The following ZNF365 variants were observed in gnomAD, a reference collection of about 807,000 sequenced individuals.
The protein encoded by ZNF365 is zinc finger protein 365.
ZNF365 carries 22 observed loss-of-function variants against 35.0 expected under a neutral mutation model. The observed-to-expected ratio is 0.63, with a 90% CI of 0.45 to 0.90. ZNF365 has a LOEUF of 0.90. ZNF365 is among the 40% of genes least tolerant of loss of function. The pLI, the probability that ZNF365 is intolerant of heterozygous loss-of-function variation, is 0.00. For missense variants in ZNF365, 448 were observed against 500.3 expected (o/e 0.90, Z 1.00); for synonymous variants, 188 against 196.2 (o/e 0.96, Z 0.35).
chr10:62,394,662 C>A (rs547567749), intron 3 of ZNF365, among the ~76,000 whole-genome samples: 20 of 152,116 alleles, frequency 1.3e-4, no homozygotes, highest in Non-Finnish European at 2.6e-4. Context: ...AACATAAATG[C>A]TCAAGGGAAT....
At chr10:62,466,836 C>T (rs1192973026) in intron 4 of ZNF365, among the ~76,000 whole-genome samples, 1 of 152,066 alleles carries the variant, frequency 6.6e-6, no homozygotes, top group Admixed American at 6.6e-5. Flanking sequence ...GGGTCTCACT[C>T]TGTTGCCCAG....
intron 3 of ZNF365, among the ~76,000 whole-genome samples, chr10:62,394,087 C>T (rs76323075): frequency 0.092 from 14,068 of 152,108 alleles, 709 homozygotes; most frequent in Middle Eastern, 0.14. Context: ...ATACTTTATC[C>T]GAAATGCTTG....
chr10:62,440,172 T>G (rs1041178657), intron 3 of ZNF365, among the ~76,000 whole-genome samples: 1 of 150,628 alleles, frequency 6.6e-6, no homozygotes, highest in African/African-American at 2.4e-5. Flanking sequence ...GAATGCATAG[T>G]TTTATTTATT....
At chr10:62,450,847 A>G (rs1840671627) in intron 3 of ZNF365, among the ~76,000 whole-genome samples, 1 of 152,224 alleles carries the variant, frequency 6.6e-6, no homozygotes, top group African/African-American at 2.4e-5. Context: ...GGTAAATGAA[A>G]TTAATATCTG....
At chr10:62,406,785 C>T (rs1839910977), downstream of ZNF365, among the ~76,000 whole-genome samples, 1 of 152,190 alleles carries the variant, frequency 6.6e-6, no homozygotes, top group Admixed American at 6.5e-5. Flanking sequence ...ATATCCATTT[C>T]TTGGCCAGTC....
chr10:62,396,197 A>G (rs1839724431), intron 3 of ZNF365, among the ~76,000 whole-genome samples: 1 of 152,192 alleles, frequency 6.6e-6, no homozygotes, highest in South Asian at 2.1e-4. Context: ...CCAGCCATTG[A>G]TTCCACTTAA....
intron 3 of ZNF365, among the ~76,000 whole-genome samples, chr10:62,455,701 G>T (rs1032280457): frequency 1.6e-4 from 24 of 152,080 alleles, no homozygotes; most frequent in African/African-American, 5.3e-4. Flanking sequence ...AATATTGAAT[G>T]TTTACCACAT....
chr10:62,441,922 C>T (rs1387728830), intron 3 of ZNF365, among the ~76,000 whole-genome samples: 1 of 152,148 alleles, frequency 6.6e-6, no homozygotes, highest in Non-Finnish European at 1.5e-5. Context: ...TAAGATTTGG[C>T]TTGTCTCGTT....
At chr10:62,391,833 C>T (rs1344764950) in intron 3 of ZNF365, among the ~76,000 whole-genome samples, 1 of 152,212 alleles carries the variant, frequency 6.6e-6, no homozygotes, top group Non-Finnish European at 1.5e-5. Context: ...ACACTGTTTT[C>T]CATAGTGGTT....
intron 4 of ZNF365, among the ~76,000 whole-genome samples, chr10:62,464,024 T>C (rs926595480): frequency 6.6e-6 from 1 of 152,090 alleles, no homozygotes; most frequent in Non-Finnish European, 1.5e-5. Flanking sequence ...AAAACAAAAG[T>C]CTTTCAACTC....
At chr10:62,460,656 C>G (rs1840832842) in intron 4 of ZNF365, among the ~76,000 whole-genome samples, 1 of 152,068 alleles carries the variant, frequency 6.6e-6, no homozygotes, top group Non-Finnish European at 1.5e-5. Flanking sequence ...GCTCTAAGCC[C>G]TAAGAGAGAT....
At chr10:62,406,995 TC>T (rs1355417554), downstream of ZNF365, among the ~76,000 whole-genome samples, 1 of 152,138 alleles carries the variant, frequency 6.6e-6, no homozygotes, top group East Asian at 1.9e-4. Context: ...GGGTCAAGTA[TC>T]TCCAGCTCCA....
At chr10:62,387,749 A>C (rs1417243994) in intron 2 of ZNF365, among the ~76,000 whole-genome samples, 2 of 151,746 alleles carry the variant, frequency 1.3e-5, no homozygotes, top group Non-Finnish European at 2.9e-5. Context: ...GGACAAGATG[A>C]CTCATTTGAT....
intron 3 of ZNF365, among the ~76,000 whole-genome samples, chr10:62,413,656 C>T (rs1361220749): frequency 6.6e-6 from 1 of 151,708 alleles, no homozygotes; most frequent in Non-Finnish European, 1.5e-5. Context: ...TCCAGCATCA[C>T]TTGGAAGTTT....
rs548806145 is a variant in ZNF365 at position 62,433,226 on chromosome 10, T to G, written c.925-26515T>G. On this transcript the variant is annotated intron_variant, in intron 3 of 4. Transcript: ENST00000395255. Reference sequence around the variant, plus strand: ...AGTAATGAGTTACTAAACAGTTTAATGAGTTTTGGAGGCCCCTGAAATTTG... The same window carrying G: ...AGTAATGAGTTACTAAACAGTTTAAGGAGTTTTGGAGGCCCCTGAAATTTG... 2.6e-5 allele frequency among the ~76,000 whole-genome samples: 4 copies of G among 152,316 alleles called. No individual in the cohort carries two copies. In the East Asian group the frequency reaches 7.7e-4, roughly 29 times the overall value.
intron 3 of ZNF365, among the ~76,000 whole-genome samples, chr10:62,443,690 G>A (rs1292034186): frequency 3.9e-5 from 6 of 152,084 alleles, no homozygotes; most frequent in East Asian, 1.9e-4. Flanking sequence ...AAATAATAGC[G>A]TTCAAGATTT....
At chr10:62,382,289 G>GA (rs1025397596) in intron 2 of ZNF365, among the ~76,000 whole-genome samples, 6 of 152,266 alleles carry the variant, frequency 3.9e-5, no homozygotes, top group Non-Finnish European at 8.8e-5. Flanking sequence ...AGCAGGCCAA[G>GA]AAAAAATCAC....
At chr10:62,390,885 T>C (rs1341352676) in intron 3 of ZNF365, among the ~76,000 whole-genome samples, 2 of 152,328 alleles carry the variant, frequency 1.3e-5, no homozygotes, top group Admixed American at 1.3e-4. Context: ...AGTAAAAATA[T>C]GATATTTAAA....
intron 3 of ZNF365, among the ~76,000 whole-genome samples, chr10:62,423,835 G>A (rs760935773): frequency 6.6e-6 from 1 of 151,964 alleles, no homozygotes; most frequent in Non-Finnish European, 1.5e-5. Flanking sequence ...ATAATAATAA[G>A]CATGATATTT....
Sources: allele counts gnomAD v4.1 joint callset (sites outside exome capture counted in the v4.1 genomes callset), GRCh38; gene constraint gnomAD v4.1.1; transcripts MANE v1.5; gene names NCBI Gene and HGNC (gene_info 2026-07-23, HGNC 2026-07-21).